The following GARRE1 variants were observed in gnomAD, a reference collection of about 807,000 sequenced individuals.
The protein encoded by GARRE1 is granule associated Rac and RHOG effector 1.
A neutral mutation model predicts 103.2 loss-of-function variants in GARRE1; 49 were observed. That is an observed-to-expected ratio of 0.47 (90% CI 0.38 to 0.60). The LOEUF is 0.60. GARRE1 is among the 20% of genes least tolerant of loss of function. The probability of loss-of-function intolerance (pLI) is 0.00; values close to 1 mark genes in which losing one functional copy is unlikely to be tolerated. For missense variants in GARRE1, 1,199 were observed against 1,370.5 expected, an observed-to-expected ratio of 0.87 and a Z score of 1.98; for synonymous variants, 505 against 532.8, an observed-to-expected ratio of 0.95 and a Z score of 0.72.
chr19:34,333,242 A>G (rs2074145544), intron 7 of GARRE1, among the ~76,000 whole-genome samples: 1 of 148,040 alleles, frequency 6.8e-6, no homozygotes, highest in Non-Finnish European at 1.5e-5. Flanking sequence ...GGGTTTCACC[A>G]TGTTGGCCAG....
At chr19:34,350,277 C>T (rs572456983) in intron 12 of GARRE1, among the ~76,000 whole-genome samples, 65 of 152,212 alleles carry the variant, frequency 4.3e-4, no homozygotes, top group African/African-American at 1.4e-3. Flanking sequence ...AAGGATGACA[C>T]GCAAGTTTTC....
chr19:34,327,848 G>T lies in GARRE1; in HGVS notation c.924G>T (p.Ala308=), dbSNP rs199991533. The change falls in exon 5 of 14, where the codon GCG becomes GCT. Residue 308 remains alanine (A), a synonymous_variant. Transcript: ENST00000299505. ...MKAGFHLNPK[A]IEASLQGCCS... is the part of the protein sequence containing the mutation. ...CCGGCTTCCACCTGAATCCAAAGGC[G>T]ATTGAAGCAAGTTTGCAGGTACACT... 1 of 1,614,094 alleles carries T rather than the reference G, an allele frequency of 6.2e-7. No homozygotes were observed. Among genetic ancestry groups the T allele is most frequent in the African/African-American group, 1.3e-5 (1 of 74,942 alleles).
At chr19:34,295,773 C>T (rs28729398) in intron 1 of GARRE1, among the ~76,000 whole-genome samples, 4,679 of 152,250 alleles carry the variant, frequency 0.031, 237 homozygotes, top group African/African-American at 0.11. Context: ...TCAAGCGATC[C>T]TCTTGTCTCA....
chr19:34,351,783 T>C (rs2074238693), intron 13 of GARRE1, among the ~76,000 whole-genome samples, 191 bp downstream of exon 13: 1 of 152,230 alleles, frequency 6.6e-6, no homozygotes, highest in Admixed American at 6.5e-5. Flanking sequence ...ATTCACCACA[T>C]GTGGCTATGT....
intron 12 of GARRE1, among the ~76,000 whole-genome samples, chr19:34,349,884 G>T (rs2074228532): frequency 6.6e-6 from 1 of 152,060 alleles, no homozygotes; most frequent in Non-Finnish European, 1.5e-5. Context: ...TGGGGTGGGG[G>T]GTGGCATTGA....
chr19:34,290,177 T>G (rs538375261), intron 1 of GARRE1, among the ~76,000 whole-genome samples: 1 of 152,028 alleles, frequency 6.6e-6, no homozygotes, highest in African/African-American at 2.4e-5. Flanking sequence ...GGGAACATGG[T>G]GAAACCCAGC....
rs142492882 is a variant in GARRE1, at chr19:34,342,152, C to T, written c.2218C>T (p.Pro740Ser). The change falls in exon 10 of 14, where the codon CCC becomes TCC. Residue 740 changes from proline to serine, a missense_variant. Pro to Ser is a moderately conservative substitution (Grantham distance 74). Coordinates refer to ENST00000299505, the MANE Select transcript of GARRE1 (RefSeq NM_014686.5). ...QVQYYQHLLQ[P>S]IGPQQPPPQP... ...CCAATACTACCAACACCTACTCCAG[C>T]CCATTGGACCGCAGCAGCCCCCGCC... 2.3e-5 allele frequency: 37 copies of T among 1,614,050 alleles called. No individual in the cohort carries two copies. The highest frequency in any genetic ancestry group is 1.1e-5 in the South Asian group (1 of 91,082).
At chr19:34,347,484 C>T (rs1214527850) in intron 10 of GARRE1, among the ~76,000 whole-genome samples, 1 of 152,196 alleles carries the variant, frequency 6.6e-6, no homozygotes. Flanking sequence ...ACCTCAGGCT[C>T]CCAAAATGCT....
At chr19:34,344,875 C>T (rs914793608) in intron 10 of GARRE1, among the ~76,000 whole-genome samples, 3 of 151,140 alleles carry the variant, frequency 2.0e-5, no homozygotes, top group South Asian at 2.1e-4. Context: ...CTCGCTCTAC[C>T]GCCCCGAGGC....
chr19:34,295,151 T>C (rs775119093), intron 1 of GARRE1, among the ~76,000 whole-genome samples: 2 of 152,222 alleles, frequency 1.3e-5, no homozygotes, highest in Non-Finnish European at 2.9e-5. Flanking sequence ...TTGAAGGAGC[T>C]GTAGCCCAGT....
At chr19:34,340,091 A>C (rs2074179083) in intron 9 of GARRE1, 99 bp downstream of exon 9, 1 of 1,290,984 alleles carries the variant, frequency 7.7e-7, no homozygotes, top group Non-Finnish European at 1.1e-6. Context: ...CGGTATTGTA[A>C]AGAAGGCAGT....
rs146976733 is a variant in GARRE1 at position 34,280,720 on chromosome 19, C to G, written c.-795-18959C>G. Among the ~76,000 whole-genome samples the G allele has an allele frequency of 1.9e-4, 29 of 152,176 alleles. No individual in the cohort carries two copies. In the East Asian group the frequency reaches 5.6e-3, roughly 29 times the overall value. ...GTCCCATTATTGATCGTTAATGGCA[C>G]TTATTTTTCGGGTTTTCTAGGTGCT... On this transcript the variant is annotated intron_variant, in intron 1 of 13. Transcript: ENST00000299505.
chr19:34,257,226 G>C (rs2073679230), intron 1 of GARRE1, among the ~76,000 whole-genome samples: 1 of 151,268 alleles, frequency 6.6e-6, no homozygotes, highest in African/African-American at 2.4e-5. Context: ...TTGTTCTGTT[G>C]AAAACCTATA....
intron 2 of GARRE1, among the ~76,000 whole-genome samples, chr19:34,318,089 T>C (rs1463686702): frequency 6.6e-6 from 1 of 152,250 alleles, no homozygotes; most frequent in East Asian, 1.9e-4. Flanking sequence ...TGTGTGCGGT[T>C]TTTTGTTTGC....
chr19:34,342,390 C>T lies in GARRE1; in HGVS notation c.2456C>T (p.Pro819Leu). 1 of 1,614,130 alleles carries T rather than the reference C, an allele frequency of 6.2e-7. No individual in the cohort carries two copies. The highest frequency in any genetic ancestry group is 8.5e-7 in the Non-Finnish European group (1 of 1,180,024). The change falls in exon 10 of 14, where the codon CCC (proline) becomes CTC (leucine). Residue 819 changes from proline to leucine, a missense_variant. By Grantham distance (98) the Pro-to-Leu change is moderately conservative. Coordinates refer to ENST00000299505, the MANE Select transcript of GARRE1 (RefSeq NM_014686.5). ...CAGGGACCTAGAAATAACACCTGGC[C>T]CAACCGTGACCAAAGTGATGGAGTC... is the stretch of plus-strand genomic sequence containing the variant. ...KPQGPRNNTW[P>L]NRDQSDGVFG...
chr19:34,346,267 TTTTTTGACAC>T (rs1342899352), intron 10 of GARRE1, among the ~76,000 whole-genome samples: 1 of 152,204 alleles, frequency 6.6e-6, no homozygotes, highest in African/African-American at 2.4e-5. Context: ...GCCATATGTT[TTTTTTGACAC>T]TTTCTGTAAA....
In GARRE1 at chr19:34,344,129, T is replaced by C. The variant is rs73926739; in HGVS notation, c.2521+1674T>C. Among the ~76,000 whole-genome samples the C allele has an allele frequency of 5.3e-3, 812 of 152,238 alleles. 14 individuals are homozygous for C. The highest frequency in any genetic ancestry group is 0.019 in the African/African-American group (775 of 41,548). On this transcript the variant is annotated intron_variant, in intron 10 of 13. Coordinates refer to ENST00000299505, the MANE Select transcript of GARRE1 (RefSeq NM_014686.5). ...TGAACCCCCCCCACAAAAAAAACCA[T>C]CTAAAATTAGTAAGAGAATTTGGTA...
At chr19:34,296,092 A>C (rs2073945150) in intron 1 of GARRE1, among the ~76,000 whole-genome samples, 1 of 151,238 alleles carries the variant, frequency 6.6e-6, no homozygotes, top group South Asian at 2.1e-4. Flanking sequence ...GAAATCAGGA[A>C]ATATTACTTT....
intron 1 of GARRE1, among the ~76,000 whole-genome samples, chr19:34,266,128 T>C (rs2073749768): frequency 6.6e-6 from 1 of 152,180 alleles, no homozygotes; most frequent in Non-Finnish European, 1.5e-5. Flanking sequence ...CCTGGAGCAG[T>C]GCTATGCACT....
Sources: gnomAD v4.1 joint callset for allele counts (sites outside exome capture counted in the v4.1 genomes callset) on GRCh38, gnomAD v4.1.1 for gene constraint, MANE v1.5 for transcripts, NCBI Gene and HGNC (gene_info 2026-07-23, HGNC 2026-07-21) for gene names.